The following RAET1E variants were observed in gnomAD, a reference collection of about 807,000 sequenced individuals.
RAET1E encodes the protein retinoic acid early transcript 1E, also known as NKG2D ligand 4.
RAET1E carries 27 observed loss-of-function variants against 21.1 expected under a neutral mutation model. That is an observed-to-expected ratio of 1.28 (90% confidence interval 0.94 to 1.76). The LOEUF (loss-of-function observed/expected upper bound fraction) is 1.76, where lower values mean the gene tolerates loss of function less well. RAET1E is among the 40% of genes most tolerant of loss of function. RAET1E has a pLI of 0.00. For synonymous variants in RAET1E, 113 were observed against 115.0 expected, an observed-to-expected ratio of 0.98 and a Z score of 0.11; for missense variants, 310 against 311.3, an observed-to-expected ratio of 1.00 and a Z score of 0.03.
In RAET1E at chr6:149,888,682, A is replaced by AAAG. The variant is rs1554263138; in HGVS notation, c.623-16_623-15insCTT. On this transcript the variant is annotated splice_polypyrimidine_tract_variant and intron_variant, in intron 5 of 5. Coordinates refer to ENST00000357183, the MANE Select transcript of RAET1E (RefSeq NM_001394057.1). ...TACTGGTGACACTAAAAAAAAAAAA[A>AAAG]AAAAGAAAAAAAAGCACAAGCCCTG... 293 of 1,555,498 alleles carry AAAG rather than the reference A, an allele frequency of 1.9e-4. 1 individual carries two copies. The African/African-American group carries it at 3.5e-3, about 18-fold the overall frequency.
rs1777688258 is a variant in RAET1E, at chr6:149,888,120, T to G, written c.*378A>C. 6 of 499,972 alleles carry G rather than the reference T, an allele frequency of 1.2e-5. No homozygotes were observed. The highest frequency in any genetic ancestry group is 9.0e-5 in the South Asian group (6 of 66,342). 31.0% of individuals were successfully genotyped at this position (499,972 alleles called of 1,614,324 possible). On this transcript the variant is annotated 3_prime_UTR_variant, in exon 6 of 6. Transcript: ENST00000357183. ...CTTATACCACATCTTGTATGTTATC[T>G]GGGAGTAAATGCTGCAGCCACAAGC...
In RAET1E at chr6:149,884,637, C is replaced by T; in HGVS notation, c.*3861G>A. On this transcript the variant is annotated 3_prime_UTR_variant, in exon 6 of 6. Transcript: ENST00000357183. ...TCAGCCGCTATTGTTCACATTCTGCCTCTCTGTCATCTAGTTTATGATTGT... is the reference window on the plus strand; with the variant it reads ...TCAGCCGCTATTGTTCACATTCTGCTTCTCTGTCATCTAGTTTATGATTGT... The T allele has an allele frequency of 2.7e-6, 2 of 748,298 alleles. No individual in the cohort carries two copies. Among genetic ancestry groups the T allele is most frequent in the East Asian group, 2.7e-5 (1 of 36,546 alleles). The allele number at this position is 748,298 out of a possible 1,614,324, so 46.4% of individuals were successfully genotyped here.
At chr6:149,896,750 TCTG>T (rs770118716) in intron 1 of RAET1E, among the ~76,000 whole-genome samples, 2 of 152,032 alleles carry the variant, frequency 1.3e-5, no homozygotes, top group Non-Finnish European at 2.9e-5. Flanking sequence ...TTTCTACAAG[TCTG>T]ATGACTCACA....
At position 149,889,612 on chromosome 6, in the gene RAET1E, G is replaced by A; in HGVS notation, c.358C>T (p.Leu120=). ...CGTTGACAAAACATCTCGACTTGCAGAGTGGAAGGATCTGCAATCCAAACA... is the reference window on the plus strand; with the variant it reads ...CGTTGACAAAACATCTCGACTTGCAAAGTGGAAGGATCTGCAATCCAAACA... ...PQIKTSDPST[L]QVEMFCQREA... is the part of the protein sequence containing the mutation. The change falls in exon 5 of 6, where the codon CTG becomes TTG. Residue 120 remains leucine (L), a synonymous_variant. Transcript: ENST00000357183. 6.2e-7 allele frequency: 1 copy of A among 1,614,018 alleles called. No homozygotes were observed. The highest frequency in any genetic ancestry group is 8.5e-7 in the Non-Finnish European group (1 of 1,179,912).
chr6:149,887,857 C>G lies in RAET1E; in HGVS notation c.*641G>C, dbSNP rs542886960. Reference sequence around the variant, plus strand: ...TGAATTCTTCATGTCAGAGCAGTGGCGGAGAAACAGGACCAAAGAGCAGAA... The same window carrying G: ...TGAATTCTTCATGTCAGAGCAGTGGGGGAGAAACAGGACCAAAGAGCAGAA... On this transcript the variant is annotated 3_prime_UTR_variant, in exon 6 of 6. Coordinates refer to ENST00000357183, the MANE Select transcript of RAET1E (RefSeq NM_001394057.1). Among the ~76,000 whole-genome samples the G allele has an allele frequency of 5.3e-5, 8 of 152,288 alleles. No individual in the cohort carries two copies. Among genetic ancestry groups the G allele is most frequent in the African/African-American group, 1.4e-4 (6 of 41,558 alleles).
chr6:149,885,285 T>A lies in RAET1E; in HGVS notation c.*3213A>T, dbSNP rs73782110. On this transcript the variant is annotated 3_prime_UTR_variant, in exon 6 of 6. Coordinates refer to ENST00000357183, the MANE Select transcript of RAET1E (RefSeq NM_001394057.1). Reference sequence around the variant, plus strand: ...CTGTGGATGCATTAATTTGGAAAGGTCCCTGTTCACCTCAGGGCCCACTTG... The same window carrying A: ...CTGTGGATGCATTAATTTGGAAAGGACCCTGTTCACCTCAGGGCCCACTTG... 0.019 allele frequency among the ~76,000 whole-genome samples: 2,967 copies of A among 152,178 alleles called. 117 individuals carry two copies. The highest frequency in any genetic ancestry group is 0.069 in the African/African-American group (2,855 of 41,506).
chr6:149,884,591 C>A lies in RAET1E; in HGVS notation c.*3907G>T. 8.6e-7 allele frequency: 1 copy of A among 1,166,298 alleles called. No individual in the cohort carries two copies. The highest frequency in any genetic ancestry group is 1.3e-5 in the South Asian group (1 of 76,276). 72.2% of individuals were successfully genotyped at this position (1,166,298 alleles called of 1,614,324 possible). A position where few individuals can be genotyped will look rare whatever the true frequency, so the allele number is the denominator to read the frequency against. On this transcript the variant is annotated 3_prime_UTR_variant, in exon 6 of 6. Coordinates refer to ENST00000357183, the MANE Select transcript of RAET1E (RefSeq NM_001394057.1). ...CCGTGATCTCTCAGGACTCAGATCCCACCTCTCTCTCAGGGAGAGATCAGC... is the reference window on the plus strand; with the variant it reads ...CCGTGATCTCTCAGGACTCAGATCCAACCTCTCTCTCAGGGAGAGATCAGC...
At chr6:149,889,841 C>G (rs760558036) in intron 4 of RAET1E, 44 bp downstream of exon 4, 1 of 1,596,832 alleles carries the variant, frequency 6.3e-7, no homozygotes, top group Non-Finnish European at 8.6e-7. Flanking sequence ...TCCCTCCCCT[C>G]TCTTACTGCC....
At chr6:149,889,676 C>T (rs1777789587) in intron 4 of RAET1E, 53 bp from the exon 5 acceptor site, 3 of 1,591,892 alleles carry the variant, frequency 1.9e-6, no homozygotes, top group South Asian at 2.3e-5. Flanking sequence ...AGTCCATCAT[C>T]CTCCAATAGG....
In RAET1E at chr6:149,888,617, C is replaced by G. The variant is rs1490813157; in HGVS notation, c.673G>C (p.Asp225His). The G allele has an allele frequency of 6.2e-7, 1 of 1,601,370 alleles. No individual in the cohort carries two copies. The highest frequency in any genetic ancestry group is 2.3e-5 in the East Asian group (1 of 44,272). The change falls in exon 6 of 6, where the codon GAT becomes CAT. Residue 225 changes from aspartate (D) to histidine (H), a missense_variant. Physicochemically the swap from Asp to His is moderately conservative, Grantham distance 81. Transcript: ENST00000357183. ...DIHWSSSSLP[D>H]RWIILGAFIL... is the part of the protein sequence containing the mutation. ...AATGCCCCCAGGATGATCCATCTAT[C>G]TGGTAGACTAGAAGAAGACCAGTGG... is the stretch of plus-strand genomic sequence containing the variant.
chr6:149,889,325 A>G, intron 5 of RAET1E, 23 bp downstream of exon 5: 3 of 1,612,444 alleles, frequency 1.9e-6, no homozygotes, highest in Non-Finnish European at 2.5e-6. Flanking sequence ...GAGCTGCCAC[A>G]TTCTCCCACC....
intron 2 of RAET1E, among the ~76,000 whole-genome samples, chr6:149,894,008 T>C (rs1778014694): frequency 6.6e-6 from 1 of 152,266 alleles, no homozygotes; most frequent in Non-Finnish European, 1.5e-5. Context: ...TTACGTTTAT[T>C]GACTTGTGTA....
intron 2 of RAET1E, among the ~76,000 whole-genome samples, chr6:149,892,684 T>C (rs527613336): frequency 6.6e-6 from 1 of 152,374 alleles, no homozygotes; most frequent in African/African-American, 2.4e-5. Context: ...TAGTTTCTTT[T>C]GCTGTGCAGA....
chr6:149,889,370 C>G lies in RAET1E; in HGVS notation c.600G>C (p.Trp200Cys). 1.2e-6 allele frequency: 2 copies of G among 1,614,172 alleles called. No homozygotes were observed. Among genetic ancestry groups the G allele is most frequent in the South Asian group, 1.1e-5 (1 of 91,080 alleles). Residue 200 changes from tryptophan to cysteine, a missense_variant, in exon 5 of 6, where the codon TGG (tryptophan) becomes TGC (cysteine). Trp to Cys is a radical substitution (Grantham distance 215). Transcript: ENST00000357183. ...DHWLREFLGHWEAMPEPTVSP... is the reference protein window; with the variant it reads ...DHWLREFLGHCEAMPEPTVSP... ...TACCTGTCGGTTCTGGCATTGCCTC[C>G]CAGTGCCCTAAGAATTCCCTGAGCC...
chr6:149,888,742 C>T, intron 5 of RAET1E, 75 bp from the exon 6 acceptor site: 3 of 1,500,934 alleles, frequency 2.0e-6, no homozygotes, highest in Non-Finnish European at 2.6e-6. Context: ...AATATGCTTT[C>T]CTTAGCCCCT....
At position 149,886,920 on chromosome 6, in the gene RAET1E, G is replaced by A. The variant is rs1485077373; in HGVS notation, c.*1578C>T. ...TTCCCTGGGTGCTGCTCTTCCCCGT[G>A]ACAGAGAAATCCATGCGACACAGTG... On this transcript the variant is annotated 3_prime_UTR_variant, in exon 6 of 6. Transcript: ENST00000357183. 6.6e-6 allele frequency among the ~76,000 whole-genome samples: 1 copy of A among 152,220 alleles called. No homozygotes were observed. Among genetic ancestry groups the A allele is most frequent in the African/African-American group, 2.4e-5 (1 of 41,456 alleles).
chr6:149,896,880 G>T (rs7755900), intron 1 of RAET1E, among the ~76,000 whole-genome samples: 1,927 of 152,148 alleles, frequency 0.013, 35 homozygotes, highest in African/African-American at 0.044. Context: ...GGGGAAAGGG[G>T]CCCTTCCACC....
At chr6:149,897,214 G>C (rs530527609) in intron 1 of RAET1E, among the ~76,000 whole-genome samples, 2 of 151,970 alleles carry the variant, frequency 1.3e-5, no homozygotes, top group Non-Finnish European at 2.9e-5. Flanking sequence ...TAAATTTTTG[G>C]TGTGGAGATG....
chr6:149,890,206 CT>C, intron 3 of RAET1E, 61 bp from the exon 4 acceptor site: 1 of 1,583,256 alleles, frequency 6.3e-7, no homozygotes, highest in Non-Finnish European at 8.6e-7. Context: ...AGAACCTGCG[CT>C]TCTGTGACCC....
Sources: gnomAD v4.1 joint callset for allele counts (sites outside exome capture counted in the v4.1 genomes callset) on GRCh38, gnomAD v4.1.1 for gene constraint, MANE v1.5 for transcripts, NCBI Gene and HGNC (gene_info 2026-07-23, HGNC 2026-07-21) for gene names.